Variants in TP73 observed in about 807,000 individuals in gnomAD.
TP73 encodes the protein p53-like transcription factor.
In TP73, 25 loss-of-function variants were observed where a neutral mutation model predicts 62.5. That is an observed-to-expected ratio of 0.40 (90% CI 0.29 to 0.56). TP73 has a LOEUF of 0.56. TP73 is among the 20% of genes least tolerant of loss of function. The pLI, the probability that TP73 is intolerant of heterozygous loss-of-function variation, is 0.46. For synonymous variants in TP73, 423 were observed against 377.5 expected (o/e 1.12, Z -1.40); for missense variants, 754 against 913.3 (o/e 0.83, Z 2.25).
chr1:3,668,389 G>A (rs1425774625), intron 1 of TP73, among the ~76,000 whole-genome samples: 1 of 152,154 alleles, frequency 6.6e-6, no homozygotes, highest in Admixed American at 6.5e-5. Flanking sequence ...GTGGCACAGT[G>A]GCAGCGACAC....
chr1:3,724,444 A>G (rs1037274506), intron 6 of TP73, among the ~76,000 whole-genome samples: 1 of 151,316 alleles, frequency 6.6e-6, no homozygotes, highest in South Asian at 2.1e-4. Flanking sequence ...TCTACCCTGT[A>G]CCCAGGCCCC....
At chr1:3,661,649 A>G (rs1251014485) in intron 1 of TP73, among the ~76,000 whole-genome samples, 3 of 151,094 alleles carry the variant, frequency 2.0e-5, no homozygotes, top group African/African-American at 7.3e-5. Context: ...GATTCATGCC[A>G]CAGTGAGCTG....
chr1:3,666,712 A>AG lies in TP73; in HGVS notation c.-34+14072dup, dbSNP rs770818522. Among the ~76,000 whole-genome samples, 14 of 152,148 alleles carry AG rather than the reference A, an allele frequency of 9.2e-5. No homozygotes were observed. Among genetic ancestry groups the AG allele is most frequent in the Non-Finnish European group, 1.9e-4 (13 of 68,026 alleles). On this transcript the variant is annotated intron_variant, in intron 1 of 13. Coordinates refer to ENST00000378295, the MANE Select transcript of TP73 (RefSeq NM_005427.4). This position sits in a 1 kb window ranked among gnomAD's most constrained non-coding sequence, Gnocchi z 6.4. Reference sequence around the variant, plus strand: ...CTGAGCAGGAACAAACCGTCCCAGAAGCCCTTCAGCTCGGAAGTGAGTAAG... The same window carrying AG: ...CTGAGCAGGAACAAACCGTCCCAGAAGGCCCTTCAGCTCGGAAGTGAGTAAG...
intron 3 of TP73, among the ~76,000 whole-genome samples, chr1:3,685,594 C>G (rs1645632825): frequency 6.6e-6 from 1 of 152,228 alleles, no homozygotes; most frequent in East Asian, 1.9e-4. Context: ...CTACCCCTGA[C>G]TCCCATGGGA....
At chr1:3,709,149 G>A (rs763722158) in intron 4 of TP73, among the ~76,000 whole-genome samples, 1 of 152,136 alleles carries the variant, frequency 6.6e-6, no homozygotes, top group African/African-American at 2.4e-5. Context: ...TCCAGGCCCC[G>A]CCCGCCCCCA....
rs190930030 is a variant in TP73, at chr1:3,693,646, G to C, written c.186+10466G>C. ...TTACTTGCTGCAGATGGGGACGCAG[G>C]GGGGCCTGGCCTGGAGAGCTGCCGC... On this transcript the variant is annotated intron_variant, in intron 3 of 13. Coordinates refer to ENST00000378295, the MANE Select transcript of TP73 (RefSeq NM_005427.4). Among the ~76,000 whole-genome samples, 3 of 152,142 alleles carry C rather than the reference G, an allele frequency of 2.0e-5. No individual in the cohort carries two copies. The South Asian group carries it at 6.2e-4, about 31-fold the overall frequency.
At chr1:3,679,675 T>C (rs565199082) in intron 1 of TP73, among the ~76,000 whole-genome samples, 1 of 151,930 alleles carries the variant, frequency 6.6e-6, no homozygotes, top group African/African-American at 2.4e-5. Flanking sequence ...TGTATCTCTC[T>C]GTCTCTCTTT....
intron 1 of TP73, among the ~76,000 whole-genome samples, chr1:3,667,077 G>A (rs570598375): frequency 6.6e-6 from 1 of 152,306 alleles, no homozygotes; most frequent in Non-Finnish European, 1.5e-5. Context: ...AGAGGTTGGA[G>A]GGATGCATTT....
chr1:3,671,159 T>TCAGGGTTC lies in TP73; in HGVS notation c.-33-11168_-33-11161dup, dbSNP rs1199248448. On this transcript the variant is annotated intron_variant, in intron 1 of 13. Coordinates refer to ENST00000378295, the MANE Select transcript of TP73 (RefSeq NM_005427.4). ...AGGTCGGCTGGCACCTGTCCAGGTT[T>TCAGGGTTC]CAGGGTTCCAGGGCTCCAGCTGGAA... Among the ~76,000 whole-genome samples, 9 of 152,322 alleles carry TCAGGGTTC rather than the reference T, an allele frequency of 5.9e-5. No individual in the cohort carries two copies. The East Asian group carries it at 1.4e-3, about 23-fold the overall frequency.
At chr1:3,723,775 A>C (rs1363519212) in intron 6 of TP73, among the ~76,000 whole-genome samples, 2 of 152,198 alleles carry the variant, frequency 1.3e-5, no homozygotes, top group Non-Finnish European at 2.9e-5. Flanking sequence ...TTGGTGCCCA[A>C]CACTGGTTCC....
chr1:3,678,509 G>A (rs112131442), intron 1 of TP73, among the ~76,000 whole-genome samples: 2 of 152,252 alleles, frequency 1.3e-5, no homozygotes, highest in East Asian at 1.9e-4. Flanking sequence ...GGGGCCCTGG[G>A]ACCAATGCTA....
intron 3 of TP73, among the ~76,000 whole-genome samples, chr1:3,683,678 C>T (rs1645577995): frequency 6.6e-6 from 1 of 152,222 alleles, no homozygotes; most frequent in Admixed American, 6.5e-5. Context: ...CACCAGCATG[C>T]CCTATCCCTG....
intron 3 of TP73, among the ~76,000 whole-genome samples, chr1:3,694,990 A>G (rs1264970581): frequency 6.6e-6 from 1 of 152,026 alleles, no homozygotes; most frequent in African/African-American, 2.4e-5. Flanking sequence ...CTCCTCCCGC[A>G]ATCCCAGCCA....
At chr1:3,703,985 G>T (rs1257109165) in intron 3 of TP73, among the ~76,000 whole-genome samples, 1 of 152,192 alleles carries the variant, frequency 6.6e-6, no homozygotes, top group Non-Finnish European at 1.5e-5. Flanking sequence ...GGGTGGGCAG[G>T]CTGGCACCCG....
chr1:3,715,692 G>A (rs1640535360), intron 4 of TP73, among the ~76,000 whole-genome samples: 1 of 152,312 alleles, frequency 6.6e-6, no homozygotes, highest in Middle Eastern at 3.4e-3. Flanking sequence ...CACCAACAGA[G>A]GCAGACACCT....
intron 1 of TP73, among the ~76,000 whole-genome samples, chr1:3,681,601 C>T (rs1645521951): frequency 6.6e-6 from 1 of 152,168 alleles, no homozygotes; most frequent in Non-Finnish European, 1.5e-5. Flanking sequence ...AGTTCCCAGC[C>T]TTGCCAGGCT....
At chr1:3,730,227 C>G (rs1642025636) in intron 11 of TP73, 79 bp downstream of exon 11, 2 of 1,371,214 alleles carry the variant, frequency 1.5e-6, no homozygotes, top group Non-Finnish European at 1.9e-6. Flanking sequence ...ACACACCACC[C>G]AGCTCGGGAC....
rs540067041 is a variant in TP73 at position 3,715,147 on chromosome 1, G to A, written c.430-6874G>A. 1.8e-4 allele frequency among the ~76,000 whole-genome samples: 27 copies of A among 152,304 alleles called. No individual in the cohort carries two copies. The East Asian group carries it at 5.2e-3, about 29-fold the overall frequency. ...GTGAGTCTCAGTCTCTATTGTCCAT[G>A]GAGACCCATCCCCAGCAGGACCAGG... On this transcript the variant is annotated intron_variant, in intron 4 of 13. Coordinates refer to ENST00000378295, the MANE Select transcript of TP73 (RefSeq NM_005427.4).
rs769185424 is a variant in TP73 at position 3,729,292 on chromosome 1, G to A, written c.1075-35G>A. The A allele has an allele frequency of 1.6e-5, 26 of 1,612,082 alleles. No homozygotes were observed. The African/African-American group carries it at 3.1e-4, about 19-fold the overall frequency. On this transcript the variant is annotated intron_variant, in intron 9 of 13. Coordinates refer to ENST00000378295, the MANE Select transcript of TP73 (RefSeq NM_005427.4). ...CCACCCCCCTCCCGTGGGGGTCTGG[G>A]GCACGTGGGCAGAGATCTGCTCCTC...
Sources: gnomAD v4.1 joint callset for allele counts (sites outside exome capture counted in the v4.1 genomes callset) on GRCh38, gnomAD v4.1.1 for gene constraint, Gnocchi (gnomAD v3.1) non-coding constraint, MANE v1.5 for transcripts, NCBI Gene and HGNC (gene_info 2026-07-23, HGNC 2026-07-21) for gene names.